RCAN2: variants seen among roughly 807,000 people sequenced by gnomAD.
RCAN2 encodes calcipressin-2.
A neutral mutation model predicts 23.6 loss-of-function variants in RCAN2; 9 were observed. The ratio of observed to expected loss-of-function variants is 0.38; its 90% CI spans 0.23 to 0.67. The LOEUF is 0.67. RCAN2 is among the 30% of genes least tolerant of loss of function. The pLI is 0.51. For missense variants in RCAN2, 273 were observed against 302.3 expected (o/e 0.90, Z 0.72); for synonymous variants, 109 against 115.7 (o/e 0.94, Z 0.37).
intron 2 of RCAN2, among the ~76,000 whole-genome samples, chr6:46,431,387 G>A (rs762681145): frequency 2.6e-5 from 4 of 151,914 alleles, no homozygotes; most frequent in Admixed American, 1.3e-4. Context: ...GCTTTTAAAT[G>A]CTAATGAAAA....
intron 2 of RCAN2, among the ~76,000 whole-genome samples, chr6:46,292,704 C>T (rs1190284620): frequency 1.3e-5 from 2 of 151,940 alleles, no homozygotes; most frequent in African/African-American, 4.8e-5. Flanking sequence ...ATTGATCCTG[C>T]CATTCTTTTA....
At chr6:46,223,436 C>T (rs1765547846) in intron 4 of RCAN2, 135 bp from the exon 5 acceptor site, 1 of 765,224 alleles carries the variant, frequency 1.3e-6, no homozygotes, top group Admixed American at 2.7e-5. Context: ...AGGGATGGCA[C>T]AGGGTGTTGG....
chr6:46,282,338 G>A (rs1233631495), intron 2 of RCAN2, among the ~76,000 whole-genome samples: 1 of 149,516 alleles, frequency 6.7e-6, no homozygotes, highest in East Asian at 1.9e-4. Flanking sequence ...GAGATCGGGA[G>A]ATCGAGACCA....
At chr6:46,286,882 G>A (rs756347955) in intron 2 of RCAN2, among the ~76,000 whole-genome samples, 61 of 152,232 alleles carry the variant, frequency 4.0e-4, no homozygotes, top group Middle Eastern at 3.4e-3. Flanking sequence ...GCACACGCCC[G>A]TAATCCCAGC....
intron 2 of RCAN2, among the ~76,000 whole-genome samples, chr6:46,391,949 T>C: frequency 6.6e-6 from 1 of 152,116 alleles, no homozygotes; most frequent in East Asian, 1.9e-4. Context: ...AAGCTGTCAA[T>C]AGGCTAAATA....
At chr6:46,260,533 C>T (rs190765466) in intron 2 of RCAN2, among the ~76,000 whole-genome samples, 7 of 152,250 alleles carry the variant, frequency 4.6e-5, no homozygotes, top group African/African-American at 1.4e-4. Context: ...TAAGTAGGGG[C>T]AGGTGACAAG....
chr6:46,224,788 GTT>G (rs533503312), intron 4 of RCAN2, among the ~76,000 whole-genome samples: 2,682 of 146,292 alleles, frequency 0.018, 67 homozygotes, highest in African/African-American at 0.062. Context: ...ACAAGGTACA[GTT>G]TTTTTTTTTT....
Position 46,223,080 on chromosome 6 carries a change from A to T in RCAN2, c.*61T>A. 1 of 1,563,830 alleles carries T rather than the reference A, an allele frequency of 6.4e-7. No homozygotes were observed. Among genetic ancestry groups the T allele is most frequent in the Non-Finnish European group, 8.7e-7 (1 of 1,154,260 alleles). On this transcript the variant is annotated 3_prime_UTR_variant, in exon 5 of 5. Transcript: ENST00000371374. ...ATTTAAAGGCAATTTTTTTTGACAA[A>T]CAACAGGGGGAAAAAGCATGATAAA...
intron 2 of RCAN2, among the ~76,000 whole-genome samples, chr6:46,412,363 A>C (rs1766572573): frequency 6.6e-6 from 1 of 152,196 alleles, no homozygotes; most frequent in South Asian, 2.1e-4. Flanking sequence ...TTCAGTAGAC[A>C]AATCTGAGAG....
At chr6:46,451,551 G>C (rs1012163700) in intron 2 of RCAN2, among the ~76,000 whole-genome samples, 1 of 152,054 alleles carries the variant, frequency 6.6e-6, no homozygotes, top group Non-Finnish European at 1.5e-5. Flanking sequence ...AGTAAACATC[G>C]ACATTCTCCT....
At chr6:46,418,115 A>G (rs1273123349) in intron 2 of RCAN2, among the ~76,000 whole-genome samples, 4 of 152,238 alleles carry the variant, frequency 2.6e-5, no homozygotes, top group Non-Finnish European at 2.9e-5. Flanking sequence ...TCAAGAAAGG[A>G]AAATTATGAT....
At chr6:46,281,323 G>T (rs1370063777) in intron 2 of RCAN2, among the ~76,000 whole-genome samples, 3 of 152,182 alleles carry the variant, frequency 2.0e-5, no homozygotes, top group Admixed American at 6.5e-5. Context: ...TCTACAATTG[G>T]TCTGTGCATG....
intron 2 of RCAN2, among the ~76,000 whole-genome samples, chr6:46,357,802 T>C (rs1345222237): frequency 6.6e-6 from 1 of 152,148 alleles, no homozygotes; most frequent in East Asian, 1.9e-4. Context: ...GCAAGGAGAA[T>C]TGAAAATTGC....
chr6:46,434,826 C>T (rs1767322404), intron 2 of RCAN2, among the ~76,000 whole-genome samples: 1 of 152,162 alleles, frequency 6.6e-6, no homozygotes, highest in South Asian at 2.1e-4. Flanking sequence ...TGGGGAATGG[C>T]ATACTGTCAG....
At chr6:46,343,909 A>G (rs1764407838) in intron 2 of RCAN2, among the ~76,000 whole-genome samples, 1 of 152,242 alleles carries the variant, frequency 6.6e-6, no homozygotes. Flanking sequence ...ATTAAAAGGA[A>G]TAAACTACTG....
chr6:46,287,601 TG>T (rs1003740832), intron 2 of RCAN2, among the ~76,000 whole-genome samples: 3 of 152,252 alleles, frequency 2.0e-5, no homozygotes, highest in African/African-American at 4.8e-5. Flanking sequence ...GAACTTCATC[TG>T]ATTGAATTTT....
In RCAN2 at chr6:46,223,205, G is replaced by A; in HGVS notation, c.668C>T (p.Thr223Ile). Residue 223 changes from threonine (T) to isoleucine (I), a missense_variant, in exon 5 of 5, where the codon ACT becomes ATT. Thr to Ile is a moderately conservative substitution (Grantham distance 89). Coordinates refer to ENST00000371374, the MANE Select transcript of RCAN2 (RefSeq NM_001251974.2). ...SDIEEEEDPK[T>I]SPKPKIIQTR... ...TTGGATGATTTTTGGCTTTGGGGAA[G>A]TCTTTGGGTCCTCTTCTTCCTCTAT... 1 of 1,614,002 alleles carries A rather than the reference G, an allele frequency of 6.2e-7. No homozygotes were observed. Among genetic ancestry groups the A allele is most frequent in the Non-Finnish European group, 8.5e-7 (1 of 1,179,982 alleles).
At chr6:46,303,591 C>T (rs959316663) in intron 2 of RCAN2, among the ~76,000 whole-genome samples, 2 of 151,974 alleles carry the variant, frequency 1.3e-5, no homozygotes, top group Non-Finnish European at 2.9e-5. Flanking sequence ...TGCCCAGCTC[C>T]GGATTTAAAA....
intron 2 of RCAN2, among the ~76,000 whole-genome samples, chr6:46,349,827 C>T (rs1476746079): frequency 1.3e-5 from 2 of 152,166 alleles, no homozygotes; most frequent in African/African-American, 4.8e-5. Context: ...AGTTCTAATA[C>T]AGTCTAATTC....
Sources: gnomAD v4.1 joint callset for allele counts (sites outside exome capture counted in the v4.1 genomes callset) on GRCh38, gnomAD v4.1.1 for gene constraint, MANE v1.5 for transcripts, NCBI Gene and HGNC (gene_info 2026-07-23, HGNC 2026-07-21) for gene names.